Variants in ZNF385D observed in about 807,000 individuals in gnomAD.
ZNF385D encodes zinc finger protein 659.
In ZNF385D, 15 loss-of-function variants were observed where a neutral mutation model predicts 35.8. That is an observed-to-expected ratio of 0.42 (90% CI 0.28 to 0.64). ZNF385D has a LOEUF of 0.64. Ranked by LOEUF, ZNF385D falls within the 30% of genes least tolerant of loss-of-function variation. ZNF385D has a pLI of 0.23. For synonymous variants in ZNF385D, 212 were observed against 186.8 expected, an observed-to-expected ratio of 1.13 and a Z score of -1.10; for missense variants, 474 against 494.6, an observed-to-expected ratio of 0.96 and a Z score of 0.39.
intron 3 of ZNF385D, among the ~76,000 whole-genome samples, chr3:22,146,771 A>G (rs1704885843): frequency 6.6e-6 from 1 of 152,188 alleles, no homozygotes; most frequent in Non-Finnish European, 1.5e-5. Flanking sequence ...AATTACATTA[A>G]TAAAACACTA....
intron 2 of ZNF385D, among the ~76,000 whole-genome samples, chr3:22,308,627 G>A (rs1431480755): frequency 5.9e-5 from 9 of 151,732 alleles, no homozygotes; most frequent in African/African-American, 9.7e-5. Flanking sequence ...CAACAGAGGC[G>A]GCATGAAAAA....
chr3:21,903,941 C>T (rs1283530836), intron 3 of ZNF385D, among the ~76,000 whole-genome samples: 1 of 152,098 alleles, frequency 6.6e-6, no homozygotes, highest in Non-Finnish European at 1.5e-5. Context: ...ATCAAACCAA[C>T]CATAGAGTGT....
chr3:22,191,470 A>G (rs1044686749), intron 2 of ZNF385D, among the ~76,000 whole-genome samples: 1 of 151,282 alleles, frequency 6.6e-6, no homozygotes, highest in Non-Finnish European at 1.5e-5. Context: ...CTGGGCAACA[A>G]GAGTGAAACT....
chr3:21,464,499 T>C (rs1397795252), intron 4 of ZNF385D, among the ~76,000 whole-genome samples: 1 of 152,160 alleles, frequency 6.6e-6, no homozygotes, highest in South Asian at 2.1e-4. Flanking sequence ...ACAGAGAACC[T>C]CAGACACTCA....
At chr3:21,887,234 T>C (rs1373774212) in intron 3 of ZNF385D, among the ~76,000 whole-genome samples, 1 of 152,220 alleles carries the variant, frequency 6.6e-6, no homozygotes, top group Non-Finnish European at 1.5e-5. Flanking sequence ...ATATTTGGGC[T>C]TGTGGATTTA....
At chr3:21,664,403 G>T (rs976384153) in intron 2 of ZNF385D, among the ~76,000 whole-genome samples, 1 of 152,174 alleles carries the variant, frequency 6.6e-6, no homozygotes, top group Non-Finnish European at 1.5e-5. Context: ...GTTGTTTTAA[G>T]TTAATGGTGG....
intron 3 of ZNF385D, among the ~76,000 whole-genome samples, chr3:22,137,635 G>A (rs1083718): frequency 0.037 from 5,644 of 152,168 alleles, 158 homozygotes; most frequent in Non-Finnish European, 0.058. Flanking sequence ...CATGCTAAAA[G>A]CTCTCAATAA....
intron 3 of ZNF385D, among the ~76,000 whole-genome samples, chr3:21,825,778 C>A (rs566170427): frequency 1.2e-4 from 18 of 152,264 alleles, no homozygotes; most frequent in African/African-American, 3.1e-4. Context: ...GCCCAGGGGT[C>A]CCCAGCCTCC....
intron 1 of ZNF385D, among the ~76,000 whole-genome samples, chr3:21,725,615 C>T (rs960115378): frequency 1.3e-5 from 2 of 152,070 alleles, no homozygotes; most frequent in Admixed American, 6.6e-5. Context: ...CATATACACC[C>T]GTCCAAATCT....
intron 1 of ZNF385D, among the ~76,000 whole-genome samples, chr3:21,722,392 C>G (rs2068580763): frequency 6.6e-6 from 1 of 152,218 alleles, no homozygotes; most frequent in East Asian, 1.9e-4. Context: ...TTGAAAACCA[C>G]CAAAGCTTGT....
chr3:22,255,407 T>A (rs1399988242), intron 2 of ZNF385D, among the ~76,000 whole-genome samples: 1 of 151,822 alleles, frequency 6.6e-6, no homozygotes, highest in Non-Finnish European at 1.5e-5. Context: ...AGATATGAAA[T>A]AACTTACTTA....
At chr3:21,570,644 G>A (rs943194423) in intron 2 of ZNF385D, among the ~76,000 whole-genome samples, 1 of 152,166 alleles carries the variant, frequency 6.6e-6, no homozygotes, top group African/African-American at 2.4e-5. Flanking sequence ...GGCACTTTCT[G>A]TGTGTTTGAT....
intron 2 of ZNF385D, among the ~76,000 whole-genome samples, chr3:21,601,057 T>C (rs2064272951): frequency 6.6e-6 from 1 of 152,198 alleles, no homozygotes; most frequent in Admixed American, 6.5e-5. Context: ...TAATGAATAA[T>C]TCATAATAAA....
At chr3:22,325,111 T>G (rs181905521) in intron 2 of ZNF385D, among the ~76,000 whole-genome samples, 1 of 152,342 alleles carries the variant, frequency 6.6e-6, no homozygotes, top group Admixed American at 6.5e-5. Context: ...AGTGTAATTA[T>G]GTATATTACC....
At chr3:21,424,301 T>TTATATATATATA (rs1228574145) in intron 6 of ZNF385D, among the ~76,000 whole-genome samples, 4 of 80,184 alleles carry the variant, frequency 5.0e-5, no homozygotes, top group African/African-American at 1.9e-4. Flanking sequence ...ATATATATAT[T>TTATATATATATA]TATATATATA....
rs752955720 is a variant in ZNF385D, at chr3:21,664,907, G to T, written c.144C>A (p.Asn48Lys). ...TTACCGCATTGAAATTGGGGAAGAG[G>T]TTGACTGCAGCTGCAGTGTCAAGAG... ...PFPLDTAAAV[N>K]LFPNFNAMDP... The change falls in exon 2 of 8, where the codon AAC (asparagine) becomes AAA (lysine). Residue 48 changes from asparagine to lysine, a missense_variant. Asn to Lys is a moderately conservative substitution (Grantham distance 94). Coordinates refer to ENST00000281523, the MANE Select transcript of ZNF385D (RefSeq NM_024697.3). 1 of 1,613,738 alleles carries T rather than the reference G, an allele frequency of 6.2e-7. No homozygotes were observed.
At chr3:22,286,314 A>T (rs986788560) in intron 2 of ZNF385D, among the ~76,000 whole-genome samples, 1 of 152,134 alleles carries the variant, frequency 6.6e-6, no homozygotes, top group Non-Finnish European at 1.5e-5. Flanking sequence ...TCTATGTAAC[A>T]GTCTATTAAT....
In ZNF385D at chr3:22,285,726, C is replaced by T. The variant is rs1217141191; in HGVS notation, c.106+86724G>A. On this transcript the variant is annotated intron_variant, in intron 2 of 5. Transcript: ENST00000494108. Reference sequence around the variant, plus strand: ...GTCGCTGGTGTGTGATGTTCCCCTTCCCTAGTAGGAAGAAATTTTCTAATT... The same window carrying T: ...GTCGCTGGTGTGTGATGTTCCCCTTTCCTAGTAGGAAGAAATTTTCTAATT... Among the ~76,000 whole-genome samples the T allele has an allele frequency of 7.9e-5, 12 of 151,972 alleles. 1 individual carries two copies.
rs138068858 is a variant in ZNF385D at position 21,590,565 on chromosome 3, C to T, written c.166-25881G>A. Among the ~76,000 whole-genome samples, 33 of 152,128 alleles carry T rather than the reference C, an allele frequency of 2.2e-4. No individual in the cohort carries two copies. In the East Asian group the frequency reaches 6.4e-3, roughly 29 times the overall value. On this transcript the variant is annotated intron_variant, in intron 2 of 7. Transcript: ENST00000281523. ...AAATTACACCATAAAAAATGAATTA[C>T]ATTGTTTTTATCTGTTGAATTTTCA... is the stretch of plus-strand genomic sequence containing the variant.
Sources: gnomAD v4.1 joint callset for allele counts (sites outside exome capture counted in the v4.1 genomes callset) on GRCh38, gnomAD v4.1.1 for gene constraint, MANE v1.5 for transcripts, NCBI Gene and HGNC (gene_info 2026-07-23, HGNC 2026-07-21) for gene names.